Variants in RBM20 observed in about 807,000 individuals in gnomAD.
The protein encoded by RBM20 is RNA binding motif protein 20.
RBM20 carries 51 observed loss-of-function variants against 110.1 expected under a neutral mutation model. The observed-to-expected ratio is 0.46, with a 90% CI of 0.37 to 0.59. The LOEUF is 0.59. Among genes scored for constraint, RBM20 ranks in the 20% least tolerant of loss-of-function variants. The pLI, the probability that RBM20 is intolerant of heterozygous loss-of-function variation, is 0.00. For synonymous variants in RBM20, 589 were observed against 618.2 expected, an observed-to-expected ratio of 0.95 and a Z score of 0.70; for missense variants, 1,512 against 1,574.9, an observed-to-expected ratio of 0.96 and a Z score of 0.68.
chr10:110,809,073 T>C (rs1844730901), intron 7 of RBM20, among the ~76,000 whole-genome samples: 1 of 151,850 alleles, frequency 6.6e-6, no homozygotes, highest in East Asian at 1.9e-4. Context: ...AAAATTAGCC[T>C]GGTGTGGTGG....
intron 8 of RBM20, among the ~76,000 whole-genome samples, chr10:110,811,117 C>T (rs1762086854): frequency 6.6e-6 from 1 of 152,184 alleles, no homozygotes; most frequent in African/African-American, 2.4e-5. Context: ...ACTGCAGGAG[C>T]AGGCACCTGG....
chr10:110,649,520 C>T (rs769246651), intron 1 of RBM20, among the ~76,000 whole-genome samples: 59 of 152,222 alleles, frequency 3.9e-4, no homozygotes, highest in Non-Finnish European at 7.2e-4. Context: ...GTAGGACACC[C>T]CTCTCCCTTC....
chr10:110,726,833 T>C (rs1247114040), intron 1 of RBM20, among the ~76,000 whole-genome samples: 1 of 152,206 alleles, frequency 6.6e-6, no homozygotes, highest in African/African-American at 2.4e-5. Flanking sequence ...GAATCTCACC[T>C]GAGCCTGTAT....
At chr10:110,761,934 T>C (rs768251261) in intron 1 of RBM20, among the ~76,000 whole-genome samples, 9 of 152,348 alleles carry the variant, frequency 5.9e-5, no homozygotes, top group South Asian at 4.1e-4. Context: ...TGACATGGCA[T>C]AGTGGCTCAT....
At chr10:110,694,765 A>C (rs1387997073) in intron 1 of RBM20, among the ~76,000 whole-genome samples, 1 of 152,202 alleles carries the variant, frequency 6.6e-6, no homozygotes, top group African/African-American at 2.4e-5. Flanking sequence ...TTCAGTTAGA[A>C]CATACCTTAG....
chr10:110,818,361 T>A (rs1844868416), intron 9 of RBM20, among the ~76,000 whole-genome samples: 1 of 151,296 alleles, frequency 6.6e-6, no homozygotes, highest in Non-Finnish European at 1.5e-5. Context: ...GGAATGATCA[T>A]TCTTGATTGC....
intron 1 of RBM20, 45 bp from the exon 2 acceptor site, chr10:110,780,756 C>T (rs1054187967): frequency 3.4e-6 from 5 of 1,468,856 alleles, no homozygotes; most frequent in Admixed American, 5.0e-5. Context: ...CCTTGCCCCC[C>T]TCATTGAAAA....
intron 13 of RBM20, among the ~76,000 whole-genome samples, chr10:110,834,912 C>T (rs577915055): frequency 5.3e-5 from 8 of 152,264 alleles, no homozygotes; most frequent in East Asian, 1.9e-4. Context: ...GGTGTTGGGC[C>T]GAGGCCAGTC....
chr10:110,785,709 C>T (rs544946718), intron 5 of RBM20, among the ~76,000 whole-genome samples: 1 of 152,084 alleles, frequency 6.6e-6, no homozygotes, highest in African/African-American at 2.4e-5. Context: ...CTGTTTAATC[C>T]AGTTCATCTA....
chr10:110,721,487 C>T (rs145024066), intron 1 of RBM20, among the ~76,000 whole-genome samples: 2 of 152,224 alleles, frequency 1.3e-5, no homozygotes, highest in African/African-American at 2.4e-5. Flanking sequence ...CATGGAGGGA[C>T]GGGACTGGTG....
chr10:110,816,380 A>G (rs951759570), intron 9 of RBM20, among the ~76,000 whole-genome samples: 1 of 127,588 alleles, frequency 7.8e-6, no homozygotes, highest in African/African-American at 3.3e-5. Context: ...ACCACTGCAT[A>G]CCATCTCAAC....
Position 110,837,915 on chromosome 10 carries a change from T to G in RBM20, c.*1937T>G, listed in dbSNP as rs1343535702. The G allele has an allele frequency of 6.6e-6, 1 of 152,176 alleles. No individual in the cohort carries two copies. Among genetic ancestry groups the G allele is most frequent in the East Asian group, 1.9e-4 (1 of 5,200 alleles). The allele number at this position is 152,176 out of a possible 1,614,324, so 9.4% of individuals were successfully genotyped here. A position where few individuals can be genotyped will look rare whatever the true frequency, so the allele number is the denominator to read the frequency against. ...TTAAATAAAATTTATAGGAGGCTGTTGGTTTGGACTGAGCTCCTGCAATAG... is the reference window on the plus strand; with the variant it reads ...TTAAATAAAATTTATAGGAGGCTGTGGGTTTGGACTGAGCTCCTGCAATAG... On this transcript the variant is annotated 3_prime_UTR_variant, in exon 14 of 14. Coordinates refer to ENST00000369519, the MANE Select transcript of RBM20 (RefSeq NM_001134363.3).
At chr10:110,783,317 C>G in intron 2 of RBM20, 49 bp from the exon 3 acceptor site, 1 of 1,442,170 alleles carries the variant, frequency 6.9e-7, no homozygotes, top group East Asian at 2.5e-5. Context: ...CCTTTGCCTT[C>G]CCATGGACTC....
chr10:110,752,945 A>ATATATATATATATTTTT (rs1433992064), intron 1 of RBM20, among the ~76,000 whole-genome samples: 1 of 109,014 alleles, frequency 9.2e-6, no homozygotes. Context: ...ATATATATAT[A>ATATATATATATATTTTT]TTTTTTTTTT....
At chr10:110,833,335 G>A (rs1845079978) in intron 13 of RBM20, among the ~76,000 whole-genome samples, 1 of 126,252 alleles carries the variant, frequency 7.9e-6, no homozygotes, top group Non-Finnish European at 1.6e-5. Context: ...CTTGCAGTGA[G>A]CCGAGATCAC....
Position 110,839,064 on chromosome 10 carries a change from AAC to A in RBM20, c.*3088_*3089del, listed in dbSNP as rs1845171295. On this transcript the variant is annotated 3_prime_UTR_variant, in exon 14 of 14. Transcript: ENST00000369519. ...CTGAAGAGCAATTGCTCCCTTAAGC[AAC>A]AGATTCATATTTACCCTGGGTTAAT... 1 of 152,234 alleles carries A rather than the reference AAC, an allele frequency of 6.6e-6. No individual in the cohort carries two copies. Among genetic ancestry groups the A allele is most frequent in the Non-Finnish European group, 1.5e-5 (1 of 68,042 alleles). The allele number at this position is 152,234 out of a possible 1,614,324, so 9.4% of individuals were successfully genotyped here.
chr10:110,808,372 G>A (rs1844721940), intron 7 of RBM20, among the ~76,000 whole-genome samples: 1 of 152,216 alleles, frequency 6.6e-6, no homozygotes, highest in Non-Finnish European at 1.5e-5. Flanking sequence ...TGAGGTGCTG[G>A]AGGCCAGTGC....
rs1253706620 is a variant in RBM20 at position 110,823,404 on chromosome 10, A to G, written c.3317-76A>G. On this transcript the variant is annotated intron_variant, in intron 11 of 13. Transcript: ENST00000369519. ...TCATACTATGCAGGCATAGAATTTC[A>G]GGGACTCTTTGAGGCATGTTGTATT... The G allele has an allele frequency of 1.8e-5, 27 of 1,474,946 alleles. No homozygotes were observed. In the Admixed American group the frequency reaches 5.5e-4, roughly 30 times the overall value. 91.4% of individuals were successfully genotyped at this position (1,474,946 alleles called of 1,614,324 possible). A position where few individuals can be genotyped will look rare whatever the true frequency, so the allele number is the denominator to read the frequency against.
chr10:110,702,721 G>A (rs1862777724), intron 1 of RBM20, among the ~76,000 whole-genome samples: 1 of 152,174 alleles, frequency 6.6e-6, no homozygotes, highest in Non-Finnish European at 1.5e-5. Flanking sequence ...TCTCAGAAGG[G>A]AGAGCTCTGG....
Sources: gnomAD v4.1 joint callset for allele counts (sites outside exome capture counted in the v4.1 genomes callset) on GRCh38, gnomAD v4.1.1 for gene constraint, MANE v1.5 for transcripts, NCBI Gene and HGNC (gene_info 2026-07-23, HGNC 2026-07-21) for gene names.